The following DZIP1 variants were observed in gnomAD, a reference collection of about 807,000 sequenced individuals.
DZIP1 encodes cilium assembly protein DZIP1.
In DZIP1, 97 loss-of-function variants were observed where a neutral mutation model predicts 107.6. The observed-to-expected ratio is 0.90, with a 90% CI of 0.77 to 1.07. The LOEUF (loss-of-function observed/expected upper bound fraction) is 1.07. Ranked by LOEUF, DZIP1 falls within the 50% of genes least tolerant of loss-of-function variation. DZIP1 has a pLI of 0.00. For synonymous variants in DZIP1, 390 were observed against 386.4 expected (o/e 1.01, Z -0.11); for missense variants, 1,035 against 1,063.6 (o/e 0.97, Z 0.37).
At chr13:95,623,240 C>A (rs557007892) in intron 8 of DZIP1, among the ~76,000 whole-genome samples, 13 of 152,236 alleles carry the variant, frequency 8.5e-5, no homozygotes, top group African/African-American at 2.9e-4. Context: ...ATGGCAAAAA[C>A]CCTCAGAAAA....
At chr13:95,634,219 C>T (rs1594738490) in intron 5 of DZIP1, among the ~76,000 whole-genome samples, 1 of 152,222 alleles carries the variant, frequency 6.6e-6, no homozygotes, top group East Asian at 1.9e-4. Context: ...TGGCTGGCAC[C>T]TTCTCCTGAC....
intron 15 of DZIP1, among the ~76,000 whole-genome samples, chr13:95,595,714 A>G (rs2044430583): frequency 6.6e-6 from 1 of 152,036 alleles, no homozygotes; most frequent in African/African-American, 2.4e-5. Flanking sequence ...ATTGAAATAG[A>G]CATACCCCCT....
chr13:95,626,317 C>T (rs967323260), intron 7 of DZIP1, among the ~76,000 whole-genome samples: 1 of 152,046 alleles, frequency 6.6e-6, no homozygotes, highest in South Asian at 2.1e-4. Flanking sequence ...TTACAAAGAT[C>T]AACAAAACTG....
Position 95,578,976 on chromosome 13 carries a change from G to GAGAT in DZIP1, c.*3254_*3257dup, listed in dbSNP as rs2043977031. 1 of 152,214 alleles carries GAGAT rather than the reference G, an allele frequency of 6.6e-6. No homozygotes were observed. The highest frequency in any genetic ancestry group is 2.1e-4 in the South Asian group (1 of 4,828). The allele number at this position is 152,214 out of a possible 1,614,324, so 9.4% of individuals were successfully genotyped here. A position where few individuals can be genotyped will look rare whatever the true frequency, so the allele number is the denominator to read the frequency against. ...CTGAGCTAGGGCATCAGCAGAAGCT[G>GAGAT]AGATAGAGATATTGGTCATGGTTGA... On this transcript the variant is annotated 3_prime_UTR_variant, in exon 23 of 23. Coordinates refer to ENST00000376829, the MANE Select transcript of DZIP1 (RefSeq NM_198968.4).
chr13:95,585,559 T>G (rs955934564), intron 21 of DZIP1, among the ~76,000 whole-genome samples: 15 of 152,268 alleles, frequency 9.9e-5, no homozygotes, highest in Admixed American at 2.6e-4. Flanking sequence ...TTAGAACCAC[T>G]GGGAAAATGT....
intron 5 of DZIP1, among the ~76,000 whole-genome samples, chr13:95,636,698 C>G (rs1258548921): frequency 6.6e-6 from 1 of 151,972 alleles, no homozygotes. Flanking sequence ...GAGAAAGAAA[C>G]CAAAGAGTAC....
chr13:95,620,802 C>G (rs1875730822), intron 9 of DZIP1, among the ~76,000 whole-genome samples: 1 of 152,176 alleles, frequency 6.6e-6, no homozygotes, highest in Admixed American at 6.5e-5. Flanking sequence ...ACTCACAGGA[C>G]AGAAACAGAA....
intron 22 of DZIP1, among the ~76,000 whole-genome samples, chr13:95,582,816 C>T (rs1468180908): frequency 6.6e-6 from 1 of 152,174 alleles, no homozygotes; most frequent in East Asian, 1.9e-4. Flanking sequence ...GAATTCCACT[C>T]AAGTTTGACT....
Position 95,586,104 on chromosome 13 carries a change from C to T in DZIP1, c.2251G>A (p.Glu751Lys). ...VAVKTPTEKVEKMFPHRKNVN... is the reference protein window; with the variant it reads ...VAVKTPTEKVKKMFPHRKNVN... ...TTTTTGCGATGTGGAAACATCTTTT[C>T]AACTTTTTCAGTAGGTGTTTTAACG... The change falls in exon 21 of 23, where the codon GAA (glutamate) becomes AAA (lysine). Residue 751 changes from glutamate (E) to lysine (K), a missense_variant. Coordinates refer to ENST00000376829, the MANE Select transcript of DZIP1 (RefSeq NM_198968.4). The T allele has an allele frequency of 6.2e-7, 1 of 1,611,540 alleles. No individual in the cohort carries two copies. The highest frequency in any genetic ancestry group is 1.1e-5 in the South Asian group (1 of 90,482).
intron 8 of DZIP1, among the ~76,000 whole-genome samples, chr13:95,622,917 A>AT (rs998721809): frequency 6.6e-6 from 1 of 151,202 alleles, no homozygotes; most frequent in Non-Finnish European, 1.5e-5. Context: ...TAATTTTTGT[A>AT]TTTTTTTTGT....
chr13:95,626,320 C>A (rs544768160), intron 7 of DZIP1, among the ~76,000 whole-genome samples: 1 of 152,182 alleles, frequency 6.6e-6, no homozygotes, highest in Non-Finnish European at 1.5e-5. Context: ...CAAAGATCAA[C>A]AAAACTGACA....
Position 95,590,488 on chromosome 13 carries a change from A to G in DZIP1, c.1681-47T>C, listed in dbSNP as rs141238859. On this transcript the variant is annotated intron_variant, in intron 16 of 22. Coordinates refer to ENST00000376829, the MANE Select transcript of DZIP1 (RefSeq NM_198968.4). ...TTGGCCAGTTATCCTGGGAGGTTTC[A>G]TTTCATGGGCATATATCAGCATTAA... The G allele has an allele frequency of 2.3e-4, 360 of 1,545,370 alleles. 1 individual carries two copies. In the African/African-American group the frequency reaches 4.4e-3, roughly 19 times the overall value.
intron 6 of DZIP1, among the ~76,000 whole-genome samples, chr13:95,632,444 A>T (rs992959117): frequency 2.0e-5 from 3 of 151,828 alleles, no homozygotes; most frequent in African/African-American, 7.3e-5. Flanking sequence ...ATCTGTTACA[A>T]CTTCACCTGC....
intron 20 of DZIP1, among the ~76,000 whole-genome samples, chr13:95,586,918 T>G (rs1380019431): frequency 1.3e-5 from 2 of 152,208 alleles, no homozygotes; most frequent in East Asian, 3.8e-4. Flanking sequence ...CAGCACAGTG[T>G]ATTAGAACAG....
At chr13:95,634,865 G>A (rs1381401233) in intron 5 of DZIP1, among the ~76,000 whole-genome samples, 1 of 151,796 alleles carries the variant, frequency 6.6e-6, no homozygotes, top group Non-Finnish European at 1.5e-5. Flanking sequence ...TTCACATATT[G>A]TCTTAGAAAA....
intron 22 of DZIP1, among the ~76,000 whole-genome samples, chr13:95,583,123 C>A (rs1439598588): frequency 5.9e-5 from 9 of 151,980 alleles, no homozygotes; most frequent in Admixed American, 5.9e-4. Flanking sequence ...TGGAGACATG[C>A]AGGTATTAAC....
chr13:95,628,779 A>C (rs1043230905), intron 7 of DZIP1, among the ~76,000 whole-genome samples: 26 of 152,368 alleles, frequency 1.7e-4, no homozygotes, highest in African/African-American at 6.3e-4. Context: ...TAAGCCAATG[A>C]TGACAAAAAG....
chr13:95,638,522 C>G (rs759605554), intron 5 of DZIP1, among the ~76,000 whole-genome samples: 1 of 152,098 alleles, frequency 6.6e-6, no homozygotes, highest in Non-Finnish European at 1.5e-5. Flanking sequence ...TAAAATCCCC[C>G]ATATATGGGT....
In DZIP1 at chr13:95,612,282, C is replaced by T. The variant is rs2139131783; in HGVS notation, c.1174-105G>A. The T allele has an allele frequency of 3.1e-6, 4 of 1,285,860 alleles. 1 individual carries two copies. In the South Asian group the frequency reaches 4.3e-5, roughly 14 times the overall value. 79.7% of individuals were successfully genotyped at this position (1,285,860 alleles called of 1,614,324 possible). On this transcript the variant is annotated intron_variant, in intron 10 of 22. Coordinates refer to ENST00000376829, the MANE Select transcript of DZIP1 (RefSeq NM_198968.4). ...CTCTGCCTGTTTTGCTAGCCTGATG[C>T]TATCCGTGCGCATCAAGTCGTTGAA...
Sources: allele counts gnomAD v4.1 joint callset (sites outside exome capture counted in the v4.1 genomes callset), GRCh38; gene constraint gnomAD v4.1.1; transcripts MANE v1.5; gene names NCBI Gene and HGNC (gene_info 2026-07-23, HGNC 2026-07-21).